The following ARB2A variants were observed in gnomAD, a reference collection of about 807,000 sequenced individuals.
The protein encoded by ARB2A is cotranscriptional regulator ARB2A.
chr5:93,703,217 A>G, the ARB2A span, among the ~76,000 whole-genome samples: 7 of 152,302 alleles, frequency 4.6e-5, no homozygotes, highest in Admixed American at 4.6e-4. Flanking sequence ...CCTCTTCCAG[A>G]GGCTGCTACC....
chr5:93,645,961 C>G, the ARB2A span, among the ~76,000 whole-genome samples: 1 of 152,118 alleles, frequency 6.6e-6, no homozygotes, highest in Admixed American at 6.6e-5. Flanking sequence ...TTTAGTATTC[C>G]TAACTATGGA....
At chr5:93,966,156 A>G in the ARB2A span, among the ~76,000 whole-genome samples, 1 of 152,108 alleles carries the variant, frequency 6.6e-6, no homozygotes, top group Non-Finnish European at 1.5e-5. Context: ...TGCTGCTTTA[A>G]GAGAAATAGA....
chr5:93,734,166 A>G, the ARB2A span: 1 of 152,226 alleles, frequency 6.6e-6, no homozygotes, highest in Non-Finnish European at 1.5e-5. Context: ...TCCTTATGAT[A>G]AGATTTTAAT....
the ARB2A span, among the ~76,000 whole-genome samples, chr5:93,751,825 G>C: frequency 6.6e-6 from 1 of 152,182 alleles, no homozygotes; most frequent in Non-Finnish European, 1.5e-5. Flanking sequence ...TTTATGACAA[G>C]ACAGAGCAGG....
the ARB2A span, among the ~76,000 whole-genome samples, chr5:93,985,425 C>T: frequency 6.6e-6 from 1 of 151,868 alleles, no homozygotes; most frequent in Non-Finnish European, 1.5e-5. Flanking sequence ...TCCACGGTCT[C>T]CCCCTCTCCC....
At chr5:93,870,365 C>T in the ARB2A span, among the ~76,000 whole-genome samples, 1 of 152,212 alleles carries the variant, frequency 6.6e-6, no homozygotes, top group African/African-American at 2.4e-5. Flanking sequence ...TACATCGCCG[C>T]TCATATTGAG....
the ARB2A span, among the ~76,000 whole-genome samples, chr5:93,674,111 T>G: frequency 6.6e-6 from 1 of 152,278 alleles, no homozygotes; most frequent in South Asian, 2.1e-4. Context: ...GAATGTAAGT[T>G]AGTGGAAACA....
the ARB2A span, among the ~76,000 whole-genome samples, chr5:94,036,018 TA>T: frequency 2.0e-5 from 3 of 151,258 alleles, no homozygotes; most frequent in Non-Finnish European, 4.4e-5. Context: ...AAAATAAAAT[TA>T]AAAAAAACAG....
At chr5:93,790,488 T>C in the ARB2A span, among the ~76,000 whole-genome samples, 1 of 152,198 alleles carries the variant, frequency 6.6e-6, no homozygotes, top group Admixed American at 6.5e-5. Context: ...TATAACTGCA[T>C]GACTAAGAAG....
chr5:93,778,106 T>C, the ARB2A span, among the ~76,000 whole-genome samples: 1 of 152,192 alleles, frequency 6.6e-6, no homozygotes, highest in Non-Finnish European at 1.5e-5. Context: ...GGATAAAATA[T>C]TAGTATTTTT....
chr5:93,653,324 C>T, the ARB2A span, among the ~76,000 whole-genome samples: 25 of 150,766 alleles, frequency 1.7e-4, no homozygotes, highest in South Asian at 1.5e-3. Flanking sequence ...CTGGCTAATA[C>T]GGTGAAACCC....
At chr5:94,088,081 C>T in the ARB2A span, among the ~76,000 whole-genome samples, 1 of 152,146 alleles carries the variant, frequency 6.6e-6, no homozygotes, top group East Asian at 1.9e-4. Context: ...GCTGACAGTG[C>T]CGTTCCATCT....
the ARB2A span, among the ~76,000 whole-genome samples, chr5:94,043,749 G>C: frequency 1.3e-5 from 2 of 152,128 alleles, no homozygotes; most frequent in African/African-American, 4.8e-5. Context: ...CCAACTCATA[G>C]GTATTTGAGG....
chr5:94,076,120 T>C, the ARB2A span, among the ~76,000 whole-genome samples: 1 of 152,178 alleles, frequency 6.6e-6, no homozygotes, highest in East Asian at 1.9e-4. Context: ...CTTCATCACT[T>C]AATAACATCT....
chr5:93,740,778 G>A, the ARB2A span: 2 of 1,612,328 alleles, frequency 1.2e-6, no homozygotes. Flanking sequence ...TGCCCATCTT[G>A]CTGCGGTTAT....
chr5:93,863,953 CA>C, the ARB2A span: 1 of 151,996 alleles, frequency 6.6e-6, no homozygotes, highest in South Asian at 2.1e-4. Flanking sequence ...ATAAGAATAT[CA>C]GCTTGCCATA....
chr5:93,781,827 A>G, the ARB2A span: 7 of 934,480 alleles, frequency 7.5e-6, no homozygotes, highest in Admixed American at 6.2e-5. Context: ...CATGTATCAC[A>G]TTAATTTAAA....
At chr5:94,102,684 T>C in the ARB2A span, among the ~76,000 whole-genome samples, 1 of 152,000 alleles carries the variant, frequency 6.6e-6, no homozygotes, top group South Asian at 2.1e-4. Context: ...TAAGATGCTA[T>C]TCAAGACAAC....
the ARB2A span, among the ~76,000 whole-genome samples, chr5:93,668,029 AT>A: frequency 6.6e-6 from 1 of 152,068 alleles, no homozygotes; most frequent in Non-Finnish European, 1.5e-5. Context: ...TTTTCTACTA[AT>A]TTTTTTCTTT....
Sources: gnomAD v4.1 joint callset for allele counts (sites outside exome capture counted in the v4.1 genomes callset) on GRCh38, gnomAD v4.1.1 for gene constraint, MANE v1.5 for transcripts, NCBI Gene and HGNC (gene_info 2026-07-23, HGNC 2026-07-21) for gene names.